Variants in RUBCNL observed in about 807,000 individuals in gnomAD.
RUBCNL encodes the protein rubicon like autophagy enhancer.
RUBCNL carries 62 observed loss-of-function variants against 69.5 expected under a neutral mutation model. That is an observed-to-expected ratio of 0.89 (90% CI 0.73 to 1.10). The LOEUF is 1.10. Among genes scored for constraint, RUBCNL ranks in the 50% least tolerant of loss-of-function variants. RUBCNL has a pLI of 0.00. For missense variants in RUBCNL, 768 were observed against 798.1 expected (o/e 0.96, Z 0.45); for synonymous variants, 291 against 303.6 (o/e 0.96, Z 0.43).
chr13:46,384,951 G>T (rs1023248609), intron 1 of RUBCNL, among the ~76,000 whole-genome samples: 5 of 152,156 alleles, frequency 3.3e-5, no homozygotes, highest in Non-Finnish European at 7.3e-5. Context: ...ATAGCCCCTA[G>T]TCTCACCATC....
intron 2 of RUBCNL, among the ~76,000 whole-genome samples, chr13:46,375,517 C>T (rs759528506): frequency 1.5e-4 from 23 of 151,854 alleles, no homozygotes; most frequent in African/African-American, 4.4e-4. Context: ...TGGACGACAG[C>T]GAGACTCTGT....
intron 10 of RUBCNL, chr13:46,354,988 G>C (rs748834961): frequency 2.2e-4 from 74 of 340,472 alleles, no homozygotes; most frequent in Admixed American, 4.0e-4. Context: ...TTCCCCACTA[G>C]ATGTGCTGGG....
Position 46,340,754 on chromosome 13 carries a change from AAG to A in RUBCNL, c.*2629_*2630del, listed in dbSNP as rs2048136351. On this transcript the variant is annotated 3_prime_UTR_variant, in exon 15 of 15. Transcript: ENST00000429979. Reference sequence around the variant, plus strand: ...CCCTTGTATGGAAACAGAGGAGGCAAAGAGAGGGCAGGGAGGTGCCAGGCTTC... The same window carrying A: ...CCCTTGTATGGAAACAGAGGAGGCAAAGAGGGCAGGGAGGTGCCAGGCTTC... Among the ~76,000 whole-genome samples the A allele has an allele frequency of 6.6e-6, 1 of 152,128 alleles. No individual in the cohort carries two copies.
chr13:46,388,260 G>A (rs1169257416), upstream of RUBCNL, among the ~76,000 whole-genome samples: 1 of 143,132 alleles, frequency 7.0e-6, no homozygotes. Context: ...GAGGGAGGAA[G>A]GCAGGCAGGC....
intron 2 of RUBCNL, among the ~76,000 whole-genome samples, chr13:46,375,501 C>T (rs1327161085): frequency 4.6e-5 from 7 of 152,076 alleles, no homozygotes; most frequent in Admixed American, 6.6e-5. Context: ...CCATTGCACT[C>T]CAGCCTGGAC....
chr13:46,344,266 G>A (rs1446578253), intron 14 of RUBCNL, among the ~76,000 whole-genome samples: 1 of 152,166 alleles, frequency 6.6e-6, no homozygotes, highest in African/African-American at 2.4e-5. Flanking sequence ...AGAGTTTACA[G>A]AACACGGGAT....
chr13:46,349,348 C>G lies in RUBCNL; in HGVS notation c.1570-1G>C. ...TATGGAAGAGCTGCTCCTGAATTTCCTAATGGGAGAAACCAAACACGGGGA... is the reference window on the plus strand; with the variant it reads ...TATGGAAGAGCTGCTCCTGAATTTCGTAATGGGAGAAACCAAACACGGGGA... On this transcript the variant is annotated splice_acceptor_variant, in intron 11 of 14. Coordinates refer to ENST00000429979, the MANE Select transcript of RUBCNL (RefSeq NM_025113.5). LOFTEE classifies it high-confidence loss of function. 1 of 1,613,552 alleles carries G rather than the reference C, an allele frequency of 6.2e-7. No individual in the cohort carries two copies. The highest frequency in any genetic ancestry group is 8.5e-7 in the Non-Finnish European group (1 of 1,179,588).
chr13:46,356,635 T>C (rs955700693), intron 9 of RUBCNL, 139 bp from the exon 10 acceptor site: 11 of 692,172 alleles, frequency 1.6e-5, no homozygotes, highest in Non-Finnish European at 2.5e-5. Flanking sequence ...GGGAAAGAAA[T>C]AGATTTATTC....
rs1234552261 is a variant in RUBCNL at position 46,339,912 on chromosome 13, T to C, written c.*3473A>G. Among the ~76,000 whole-genome samples the C allele has an allele frequency of 6.6e-6, 1 of 151,160 alleles. No individual in the cohort carries two copies. The highest frequency in any genetic ancestry group is 2.4e-5 in the African/African-American group (1 of 41,224). The stretch of plus-strand genomic sequence containing the variant: ...ACAAAAAAACCCCAGGAATTTATTC[T>C]CTCATAATTCTCAATGTCAGAAGTT... On this transcript the variant is annotated 3_prime_UTR_variant, in exon 15 of 15. Transcript: ENST00000429979.
In RUBCNL at chr13:46,343,052, C is replaced by T; in HGVS notation, c.*333G>A. 1 of 278,808 alleles carries T rather than the reference C, an allele frequency of 3.6e-6. No homozygotes were observed. The highest frequency in any genetic ancestry group is 6.7e-6 in the Non-Finnish European group (1 of 149,500). 17.3% of individuals were successfully genotyped at this position (278,808 alleles called of 1,614,324 possible). A position where few individuals can be genotyped will look rare whatever the true frequency, so the allele number is the denominator to read the frequency against. On this transcript the variant is annotated 3_prime_UTR_variant, in exon 15 of 15. Coordinates refer to ENST00000429979, the MANE Select transcript of RUBCNL (RefSeq NM_025113.5). ...AGAGAAACTGAGTAATTCATCTTGT[C>T]AGTTACAGTTCACATATATGCACAC... is the stretch of plus-strand genomic sequence containing the variant.
intron 14 of RUBCNL, 145 bp from the exon 15 acceptor site, chr13:46,343,642 G>A (rs1330240556): frequency 9.5e-6 from 7 of 738,174 alleles, no homozygotes; most frequent in East Asian, 2.7e-5. Flanking sequence ...AGGCTGAAAC[G>A]CACGTTTCAG....
At chr13:46,382,436 A>G (rs2049138210) in intron 1 of RUBCNL, among the ~76,000 whole-genome samples, 1 of 149,112 alleles carries the variant, frequency 6.7e-6, no homozygotes, top group Non-Finnish European at 1.5e-5. Flanking sequence ...AGAAAAGGAA[A>G]AGAAAAAAAA....
At chr13:46,354,378 C>T (rs1188142889) in intron 10 of RUBCNL, among the ~76,000 whole-genome samples, 2 of 152,126 alleles carry the variant, frequency 1.3e-5, no homozygotes, top group African/African-American at 4.8e-5. Flanking sequence ...GAAGGGTGTA[C>T]AGGAACTCTC....
rs2048126158 is a variant in RUBCNL at position 46,339,497 on chromosome 13, G to A, written c.*3888C>T. Among the ~76,000 whole-genome samples, 2 of 152,140 alleles carry A rather than the reference G, an allele frequency of 1.3e-5. No individual in the cohort carries two copies. Among genetic ancestry groups the A allele is most frequent in the Admixed American group, 1.3e-4 (2 of 15,268 alleles). On this transcript the variant is annotated 3_prime_UTR_variant, in exon 15 of 15. Transcript: ENST00000429979. ...TGAATGTCAAACCCCTTCCTGACAT[G>A]TCTACCACGTTCCTTCCAGCAGGTT... is the stretch of plus-strand genomic sequence containing the variant.
At chr13:46,362,939 G>GATATATATATATATATAT (rs57722239) in intron 6 of RUBCNL, among the ~76,000 whole-genome samples, 176 bp downstream of exon 6, 3 of 41,486 alleles carry the variant, frequency 7.2e-5, no homozygotes, top group Non-Finnish European at 1.1e-4. Context: ...TATATATATA[G>GATATATATATATATATAT]ATATATATAT....
In RUBCNL at chr13:46,349,408, C is replaced by T. The variant is rs1022488462; in HGVS notation, c.1570-61G>A. ...TGTAATAAATGACACGGGAAAAGTGCAAGTCAAATTTAAATGTTATTTCTA... is the reference window on the plus strand; with the variant it reads ...TGTAATAAATGACACGGGAAAAGTGTAAGTCAAATTTAAATGTTATTTCTA... On this transcript the variant is annotated intron_variant, in intron 11 of 14. Transcript: ENST00000429979. The T allele has an allele frequency of 1.8e-5, 26 of 1,463,970 alleles. No individual in the cohort carries two copies. The African/African-American group carries it at 2.8e-4, about 16-fold the overall frequency. 90.7% of individuals were successfully genotyped at this position (1,463,970 alleles called of 1,614,324 possible).
intron 8 of RUBCNL, among the ~76,000 whole-genome samples, chr13:46,360,522 C>T (rs2048586980): frequency 6.6e-6 from 1 of 152,066 alleles, no homozygotes; most frequent in East Asian, 1.9e-4. Context: ...CATAGCATGC[C>T]CCTCCACTTT....
rs1393837164 is a variant in RUBCNL, at chr13:46,339,074, A to C, written c.*4311T>G. Among the ~76,000 whole-genome samples the C allele has an allele frequency of 6.6e-6, 1 of 151,576 alleles. No homozygotes were observed. ...AAAAAAAAAAAAAAGTGCAAGGAAAAATACACAATTTGCTTAACCTATGTG... is the reference window on the plus strand; with the variant it reads ...AAAAAAAAAAAAAAGTGCAAGGAAACATACACAATTTGCTTAACCTATGTG... On this transcript the variant is annotated 3_prime_UTR_variant, in exon 15 of 15. Transcript: ENST00000429979.
rs200944703 is a variant in RUBCNL, at chr13:46,335,257, G to C, written c.*8128C>G. 2.0e-5 allele frequency among the ~76,000 whole-genome samples: 2 copies of C among 98,590 alleles called. No homozygotes were observed. Among genetic ancestry groups the C allele is most frequent in the Non-Finnish European group, 4.0e-5 (2 of 49,702 alleles). 64.7% of individuals were successfully genotyped at this position (98,590 alleles called of 152,430 possible). A position where few individuals can be genotyped will look rare whatever the true frequency, so the allele number is the denominator to read the frequency against. Reference sequence around the variant, plus strand: ...TTTGTGTCTTTTTGTTGTTGTTGTTGTTGTTTTTTTTTTTTTTTTTTTTTT... The same window carrying C: ...TTTGTGTCTTTTTGTTGTTGTTGTTCTTGTTTTTTTTTTTTTTTTTTTTTT... On this transcript the variant is annotated 3_prime_UTR_variant, in exon 15 of 15. Transcript: ENST00000429979.
Sources: allele counts gnomAD v4.1 joint callset (sites outside exome capture counted in the v4.1 genomes callset), GRCh38; gene constraint gnomAD v4.1.1; transcripts MANE v1.5; gene names NCBI Gene and HGNC (gene_info 2026-07-23, HGNC 2026-07-21).